Variants in GLB1 observed in about 807,000 individuals in gnomAD.
The protein encoded by GLB1 is beta-galactosidase.
GLB1 carries 56 observed loss-of-function variants against 74.0 expected under a neutral mutation model. The ratio of observed to expected loss-of-function variants is 0.76; its 90% CI spans 0.61 to 0.94. GLB1 has a LOEUF of 0.94. GLB1 is among the 40% of genes least tolerant of loss of function. The pLI, the probability that GLB1 is intolerant of heterozygous loss-of-function variation, is 0.00. For synonymous variants in GLB1, 323 were observed against 323.6 expected, an observed-to-expected ratio of 1.00 and a Z score of 0.02; for missense variants, 787 against 845.5, an observed-to-expected ratio of 0.93 and a Z score of 0.86.
chr3:33,069,991 T>C (rs1699834398), intron 2 of GLB1, among the ~76,000 whole-genome samples: 1 of 143,870 alleles, frequency 7.0e-6, no homozygotes. Context: ...CCATTGTCTG[T>C]TGTTCCCTTC....
downstream of GLB1, among the ~76,000 whole-genome samples, chr3:32,992,142 A>G (rs1475308615): frequency 6.6e-6 from 1 of 152,242 alleles, no homozygotes; most frequent in African/African-American, 2.4e-5. Context: ...TCTTTTCCGT[A>G]GGCTCACGCT....
At chr3:33,074,244 A>T (rs1161455238) in intron 1 of GLB1, among the ~76,000 whole-genome samples, 1 of 149,428 alleles carries the variant, frequency 6.7e-6, no homozygotes, top group Admixed American at 6.7e-5. Flanking sequence ...GGAGAGGTGG[A>T]GGTTGCGGTG....
intron 10 of GLB1, among the ~76,000 whole-genome samples, chr3:33,027,424 G>A (rs111687357): frequency 7.2e-4 from 109 of 152,260 alleles, no homozygotes; most frequent in South Asian, 1.2e-3. Context: ...CTGCCAGGCC[G>A]AGTGGGCAGA....
the GLB1 span, among the ~76,000 whole-genome samples, chr3:32,964,196 G>A: frequency 0.11 from 17,391 of 152,252 alleles, 1,293 homozygotes; most frequent in Non-Finnish European, 0.17. Context: ...AGACTAGACT[G>A]TACAACCACC....
intron 15 of GLB1, among the ~76,000 whole-genome samples, chr3:33,001,049 T>TC (rs1251849288): frequency 7.9e-5 from 12 of 151,888 alleles, no homozygotes; most frequent in African/African-American, 2.9e-4. Flanking sequence ...GCCCATACCT[T>TC]CCTCCTTTCC....
chr3:32,997,188 G>C lies in GLB1; in HGVS notation c.1891C>G (p.Pro631Ala), dbSNP rs1335189491. ...ACGAACGTCACAGCACATAGTTCTG[G>C]ATCATCACTGCTGCAGGGTGCCCAC... ...LEWAPCSSDDPELCAVTFVDR... is the reference protein window; with the variant it reads ...LEWAPCSSDDAELCAVTFVDR... The change falls in exon 16 of 16, where the codon CCA becomes GCA. Residue 631 changes from proline to alanine, a missense_variant. Physicochemically the swap from Pro to Ala is conservative, Grantham distance 27. Coordinates refer to ENST00000307363, the MANE Select transcript of GLB1 (RefSeq NM_000404.4). The C allele has an allele frequency of 6.2e-7, 1 of 1,614,188 alleles. No homozygotes were observed. The highest frequency in any genetic ancestry group is 2.2e-5 in the East Asian group (1 of 44,880).
chr3:33,025,873 C>G (rs1697725561), intron 10 of GLB1, among the ~76,000 whole-genome samples: 1 of 152,192 alleles, frequency 6.6e-6, no homozygotes, highest in Non-Finnish European at 1.5e-5. Flanking sequence ...AGGCCCGGAG[C>G]CTCTGCCGCT....
At chr3:32,986,150 C>T in the GLB1 span, among the ~76,000 whole-genome samples, 4 of 152,256 alleles carry the variant, frequency 2.6e-5, no homozygotes, top group Admixed American at 1.3e-4. Flanking sequence ...AGCAGCGCCT[C>T]AGGCGGTAGC....
chr3:32,997,699 C>T (rs541276881), intron 15 of GLB1, among the ~76,000 whole-genome samples: 2 of 152,348 alleles, frequency 1.3e-5, no homozygotes, highest in East Asian at 1.9e-4. Flanking sequence ...CATCCTGGTT[C>T]CCAGGTGCTG....
chr3:33,075,863 A>G (rs558744017), intron 1 of GLB1, among the ~76,000 whole-genome samples: 2 of 152,084 alleles, frequency 1.3e-5, no homozygotes, highest in Admixed American at 1.3e-4. Flanking sequence ...AACACAGTGA[A>G]ATCCCATCTC....
intron 10 of GLB1, 130 bp downstream of exon 10, chr3:33,045,990 G>C: frequency 1.6e-6 from 2 of 1,238,702 alleles, no homozygotes; most frequent in Non-Finnish European, 2.3e-6. Flanking sequence ...CCCAAGTCTA[G>C]CTGATGCCTC....
In GLB1 at chr3:33,022,584, G is replaced by A. The variant is rs1284885288; in HGVS notation, c.1144-929C>T. ...TTAGGATTTTTTTTTTTTTTTTTTT[G>A]AGAGAGTCTCACTCTGTCACCCAGG... On this transcript the variant is annotated intron_variant, in intron 11 of 15. Transcript: ENST00000307363. 1.0e-3 allele frequency among the ~76,000 whole-genome samples: 3 copies of A among 2,984 alleles called. No individual in the cohort carries two copies. The Admixed American group carries it at 0.011, about 11-fold the overall frequency. 2.0% of individuals were successfully genotyped at this position (2,984 alleles called of 152,430 possible).
chr3:32,984,183 C>G, the GLB1 span, among the ~76,000 whole-genome samples: 12,602 of 152,156 alleles, frequency 0.083, 542 homozygotes, highest in African/African-American at 0.11. Flanking sequence ...GGGCTAGCCT[C>G]TGCTTACAAC....
intron 1 of GLB1, chr3:33,096,773 C>A (rs922181132): frequency 4.6e-5 from 61 of 1,326,994 alleles, no homozygotes; most frequent in Non-Finnish European, 4.4e-5. Flanking sequence ...CAAAGGGCGG[C>A]CGGAGCGGAA....
At chr3:33,048,729 G>C (rs1698846904) in intron 9 of GLB1, among the ~76,000 whole-genome samples, 1 of 152,160 alleles carries the variant, frequency 6.6e-6, no homozygotes, top group Non-Finnish European at 1.5e-5. Context: ...GTGGGTGTGG[G>C]GGCTGGCTCA....
At chr3:33,010,009 A>T (rs2125458127) in intron 15 of GLB1, among the ~76,000 whole-genome samples, 1 of 152,360 alleles carries the variant, frequency 6.6e-6, no homozygotes, top group Middle Eastern at 3.4e-3. Flanking sequence ...GGTGATAGAC[A>T]TCTGAATTAA....
At chr3:33,090,622 A>C in intron 1 of GLB1, 1 of 985,342 alleles carries the variant, frequency 1.0e-6, no homozygotes, top group East Asian at 1.1e-4. Context: ...CAAACAAACA[A>C]AAAGGTCCAT....
At chr3:33,004,955 G>T (rs772068328) in intron 15 of GLB1, among the ~76,000 whole-genome samples, 5 of 152,186 alleles carry the variant, frequency 3.3e-5, no homozygotes, top group Non-Finnish European at 7.3e-5. Context: ...CCCCAAAAGT[G>T]TAAGAAGAGA....
chr3:33,066,934 T>C (rs573565253), intron 4 of GLB1, among the ~76,000 whole-genome samples: 53 of 151,730 alleles, frequency 3.5e-4, no homozygotes, highest in African/African-American at 1.2e-3. Flanking sequence ...GGCCAGAATA[T>C]AGAAGGCATT....
Sources: allele counts gnomAD v4.1 joint callset (sites outside exome capture counted in the v4.1 genomes callset), GRCh38; gene constraint gnomAD v4.1.1; transcripts MANE v1.5; gene names NCBI Gene and HGNC (gene_info 2026-07-23, HGNC 2026-07-21).